Variants in ZNRF1 observed in about 807,000 individuals in gnomAD.
The protein encoded by ZNRF1 is E3 ubiquitin-protein ligase ZNRF1.
ZNRF1 carries 3 observed loss-of-function variants against 18.4 expected under a neutral mutation model. The observed-to-expected ratio is 0.16, with a 90% CI of 0.07 to 0.42. ZNRF1 has a LOEUF of 0.42. ZNRF1 is among the 10% of genes least tolerant of loss of function. The pLI is 0.99. For synonymous variants in ZNRF1, 157 were observed against 144.2 expected, an observed-to-expected ratio of 1.09 and a Z score of -0.64; for missense variants, 310 against 329.8, an observed-to-expected ratio of 0.94 and a Z score of 0.47.
chr16:75,035,328 T>C (rs1180985260), intron 1 of ZNRF1, among the ~76,000 whole-genome samples: 3 of 152,194 alleles, frequency 2.0e-5, no homozygotes, highest in Non-Finnish European at 4.4e-5. Context: ...GCCGCTGCAC[T>C]GGGCCTTAAA....
Position 74,999,608 on chromosome 16 carries a change from G to A in ZNRF1, c.-64G>A. 1 of 1,188,996 alleles carries A rather than the reference G, an allele frequency of 8.4e-7. No individual in the cohort carries two copies. The highest frequency in any genetic ancestry group is 2.8e-5 in the South Asian group (1 of 36,152). 73.7% of individuals were successfully genotyped at this position (1,188,996 alleles called of 1,614,324 possible). ...TTTATGCTCGCCCAGCCCTCCCCCT[G>A]CTGCTGAGAAGTGGGGGAGGGTCTC... On this transcript the variant is annotated 5_prime_UTR_variant, in exon 1 of 5. Transcript: ENST00000335325.
intron 1 of ZNRF1, among the ~76,000 whole-genome samples, chr16:75,084,964 G>A (rs1321291027): frequency 6.6e-6 from 1 of 152,306 alleles, no homozygotes; most frequent in South Asian, 2.1e-4. Flanking sequence ...AGACATCAGT[G>A]TACTTCCTTG....
intron 1 of ZNRF1, among the ~76,000 whole-genome samples, chr16:75,068,065 A>AT: frequency 6.6e-6 from 1 of 151,804 alleles, no homozygotes; most frequent in Non-Finnish European, 1.5e-5. Flanking sequence ...TAAAAATAGT[A>AT]TTAGAGGGCC....
chr16:75,043,994 G>A (rs1404798863), intron 1 of ZNRF1, among the ~76,000 whole-genome samples: 1 of 151,898 alleles, frequency 6.6e-6, no homozygotes, highest in Non-Finnish European at 1.5e-5. Flanking sequence ...TGTGTTTGTA[G>A]TAGAGACGTG....
chr16:75,044,201 T>A (rs1351943783), intron 1 of ZNRF1, among the ~76,000 whole-genome samples: 1 of 152,110 alleles, frequency 6.6e-6, no homozygotes, highest in East Asian at 1.9e-4. Context: ...TCCCTAGGTG[T>A]AGGACAGATA....
At chr16:75,100,919 G>A (rs1394836988) in intron 2 of ZNRF1, among the ~76,000 whole-genome samples, 2 of 152,162 alleles carry the variant, frequency 1.3e-5, no homozygotes, top group African/African-American at 4.8e-5. Context: ...TATGAAAAAT[G>A]TCAAACACAC....
rs567088972 is a variant in ZNRF1 at position 75,027,155 on chromosome 16, C to T, written c.424+27060C>T. 3.3e-5 allele frequency among the ~76,000 whole-genome samples: 5 copies of T among 151,930 alleles called. No homozygotes were observed. In the South Asian group the frequency reaches 1.0e-3, roughly 32 times the overall value. ...GTATAGTGGCTCCTTCCTGTAATCC[C>T]AGCACTTTGGGAGGCTGAGGCAGGA... On this transcript the variant is annotated intron_variant, in intron 1 of 4. Coordinates refer to ENST00000335325, the MANE Select transcript of ZNRF1 (RefSeq NM_032268.5).
At chr16:75,064,602 G>T (rs1459545300) in intron 1 of ZNRF1, among the ~76,000 whole-genome samples, 1 of 151,718 alleles carries the variant, frequency 6.6e-6, no homozygotes, top group East Asian at 1.9e-4. Flanking sequence ...AGGTTCATGG[G>T]ATTAAATGCA....
At chr16:75,059,318 G>T (rs1567481831) in intron 1 of ZNRF1, among the ~76,000 whole-genome samples, 1 of 130,262 alleles carries the variant, frequency 7.7e-6, no homozygotes, top group Non-Finnish European at 1.5e-5. Flanking sequence ...CGCAATTTTG[G>T]CTCACTGCAA....
intron 1 of ZNRF1, among the ~76,000 whole-genome samples, chr16:75,026,900 C>G (rs1422429895): frequency 7.0e-6 from 1 of 143,436 alleles, no homozygotes; most frequent in Non-Finnish European, 1.5e-5. Flanking sequence ...ATGAGACTGT[C>G]TCAAAAAAAA....
intron 1 of ZNRF1, among the ~76,000 whole-genome samples, chr16:75,032,418 T>C (rs1432987660): frequency 1.3e-5 from 2 of 152,120 alleles, no homozygotes; most frequent in Non-Finnish European, 2.9e-5. Context: ...CTTTTCTTGT[T>C]TTTATTGGGT....
At chr16:75,098,388 C>T (rs1263129447) in intron 2 of ZNRF1, among the ~76,000 whole-genome samples, 4 of 152,204 alleles carry the variant, frequency 2.6e-5, no homozygotes, top group Non-Finnish European at 5.9e-5. Context: ...CCCCCACTAT[C>T]CTCATTGCGG....
At chr16:75,014,296 C>G (rs113513826) in intron 1 of ZNRF1, among the ~76,000 whole-genome samples, 1 of 152,154 alleles carries the variant, frequency 6.6e-6, no homozygotes, top group Non-Finnish European at 1.5e-5. Flanking sequence ...TGCCCTCACT[C>G]GTGTTTTTCC....
At chr16:75,056,449 T>C (rs781667203) in intron 1 of ZNRF1, among the ~76,000 whole-genome samples, 5 of 152,212 alleles carry the variant, frequency 3.3e-5, no homozygotes, top group Non-Finnish European at 7.4e-5. Context: ...GTTGATGTTA[T>C]GTGTGAGGTT....
intron 1 of ZNRF1, among the ~76,000 whole-genome samples, chr16:75,049,105 A>G (rs1224876339): frequency 1.3e-5 from 2 of 152,018 alleles, no homozygotes; most frequent in Admixed American, 1.3e-4. Flanking sequence ...CCAGAGTTCA[A>G]GCAATTCTCC....
intron 1 of ZNRF1, among the ~76,000 whole-genome samples, chr16:75,000,960 A>G (rs902807973): frequency 6.6e-6 from 1 of 152,254 alleles, no homozygotes; most frequent in African/African-American, 2.4e-5. Context: ...GTGACAGGCC[A>G]GCAAAAGGTT....
At chr16:75,015,908 A>G (rs2035059616) in intron 1 of ZNRF1, among the ~76,000 whole-genome samples, 1 of 150,490 alleles carries the variant, frequency 6.6e-6, no homozygotes, top group Admixed American at 6.6e-5. Flanking sequence ...TTGTGCTAAT[A>G]CGCTTTTCTT....
intron 1 of ZNRF1, among the ~76,000 whole-genome samples, chr16:75,064,911 T>C (rs2035783823): frequency 6.6e-6 from 1 of 152,196 alleles, no homozygotes. Flanking sequence ...CAGCAGTGCA[T>C]GTGCCGTCCT....
At chr16:75,095,709 A>C in intron 2 of ZNRF1, 1 of 1,548,622 alleles carries the variant, frequency 6.5e-7, no homozygotes, top group Non-Finnish European at 8.7e-7. Context: ...CCCATGGCCC[A>C]AATGCAGAGT....
Sources: allele counts gnomAD v4.1 joint callset (sites outside exome capture counted in the v4.1 genomes callset), GRCh38; gene constraint gnomAD v4.1.1; transcripts MANE v1.5; gene names NCBI Gene and HGNC (gene_info 2026-07-23, HGNC 2026-07-21).